The following CATSPERT variants were observed in gnomAD, a reference collection of about 807,000 sequenced individuals.
The protein encoded by CATSPERT is cation channel sperm-associated targeting subunit tau.
chr2:201,495,916 T>C, the CATSPERT span: 2 of 1,596,966 alleles, frequency 1.3e-6, no homozygotes, highest in Middle Eastern at 1.8e-4. Flanking sequence ...GTTTGAATTC[T>C]ATATATTCTG....
the CATSPERT span, among the ~76,000 whole-genome samples, chr2:201,581,930 C>T: frequency 6.6e-6 from 1 of 151,918 alleles, no homozygotes; most frequent in Non-Finnish European, 1.5e-5. Flanking sequence ...TATAAGCCAA[C>T]TCTTTTAAAA....
the CATSPERT span, chr2:201,487,824 GC>G: frequency 6.2e-7 from 1 of 1,614,030 alleles, no homozygotes; most frequent in Non-Finnish European, 8.5e-7. Context: ...TTTCCTAAAA[GC>G]CTTGATCTTG....
the CATSPERT span, among the ~76,000 whole-genome samples, chr2:201,606,819 A>C: frequency 6.6e-6 from 1 of 151,996 alleles, no homozygotes; most frequent in African/African-American, 2.4e-5. Context: ...GAATCCCTTC[A>C]ACCCGGAAGG....
chr2:201,521,275 A>G, the CATSPERT span, among the ~76,000 whole-genome samples: 1 of 152,194 alleles, frequency 6.6e-6, no homozygotes, highest in Non-Finnish European at 1.5e-5. Context: ...ACTACCTGAG[A>G]CTGGGTAATT....
chr2:201,611,631 A>G, the CATSPERT span, among the ~76,000 whole-genome samples: 1 of 152,132 alleles, frequency 6.6e-6, no homozygotes, highest in African/African-American at 2.4e-5. Context: ...TAAAATAGAG[A>G]ACAGAAAAAT....
At chr2:201,554,337 T>C in the CATSPERT span, 1 of 152,150 alleles carries the variant, frequency 6.6e-6, no homozygotes, top group African/African-American at 2.4e-5. Flanking sequence ...AACAATGGTA[T>C]CTAGTACATA....
the CATSPERT span, among the ~76,000 whole-genome samples, chr2:201,533,981 G>A: frequency 2.0e-5 from 3 of 152,040 alleles, no homozygotes; most frequent in Non-Finnish European, 4.4e-5. Context: ...ACAAGTAGAA[G>A]CCCCATGGAG....
chr2:201,495,657 C>G, the CATSPERT span, among the ~76,000 whole-genome samples: 906 of 149,960 alleles, frequency 6.0e-3, 7 homozygotes, highest in African/African-American at 0.021. Context: ...CTAGTGGATA[C>G]CAAGATGACA....
chr2:201,542,022 G>C, the CATSPERT span, among the ~76,000 whole-genome samples: 2 of 152,078 alleles, frequency 1.3e-5, no homozygotes, highest in African/African-American at 4.8e-5. Context: ...GCCTCCCAGA[G>C]TGCTGATATT....
chr2:201,612,411 T>G, the CATSPERT span, among the ~76,000 whole-genome samples: 1 of 151,812 alleles, frequency 6.6e-6, no homozygotes, highest in Non-Finnish European at 1.5e-5. Flanking sequence ...CCATCTCTAC[T>G]AAAAATACAA....
chr2:201,543,502 T>G, the CATSPERT span, among the ~76,000 whole-genome samples: 1 of 152,202 alleles, frequency 6.6e-6, no homozygotes, highest in East Asian at 1.9e-4. Context: ...TTTTTCCCTT[T>G]ATTTTCTTAT....
the CATSPERT span, among the ~76,000 whole-genome samples, chr2:201,610,188 C>T: frequency 2.0e-5 from 3 of 152,166 alleles, no homozygotes; most frequent in Non-Finnish European, 2.9e-5. Context: ...GGCACGGTGG[C>T]TCATGCCTGT....
At chr2:201,578,023 A>G in the CATSPERT span, among the ~76,000 whole-genome samples, 1 of 152,184 alleles carries the variant, frequency 6.6e-6, no homozygotes, top group South Asian at 2.1e-4. Context: ...CAGCTAAAAA[A>G]TTAATTTATG....
At chr2:201,515,226 T>G in the CATSPERT span, among the ~76,000 whole-genome samples, 1 of 67,994 alleles carries the variant, frequency 1.5e-5, no homozygotes, top group Non-Finnish European at 2.5e-5. Flanking sequence ...TTTTTTTTTT[T>G]TTTTTTTTTT....
the CATSPERT span, among the ~76,000 whole-genome samples, chr2:201,503,231 T>C: frequency 6.6e-6 from 1 of 152,210 alleles, no homozygotes; most frequent in Non-Finnish European, 1.5e-5. Context: ...TGCTTTTTTA[T>C]ATGCCCAGTA....
At chr2:201,582,632 A>C in the CATSPERT span, among the ~76,000 whole-genome samples, 2 of 152,234 alleles carry the variant, frequency 1.3e-5, no homozygotes, top group Non-Finnish European at 2.9e-5. Flanking sequence ...GGTTATCCAA[A>C]TATCCAACAC....
the CATSPERT span, among the ~76,000 whole-genome samples, chr2:201,504,426 T>A: frequency 6.6e-6 from 1 of 152,232 alleles, no homozygotes; most frequent in Non-Finnish European, 1.5e-5. Flanking sequence ...TTCTATACCA[T>A]GCCCAAATAG....
the CATSPERT span, among the ~76,000 whole-genome samples, chr2:201,608,645 C>T: frequency 6.6e-6 from 1 of 151,798 alleles, no homozygotes; most frequent in Non-Finnish European, 1.5e-5. Context: ...GGCAAAACCA[C>T]GTCTCTACAA....
chr2:201,498,514 A>C, the CATSPERT span, among the ~76,000 whole-genome samples: 1 of 152,036 alleles, frequency 6.6e-6, no homozygotes, highest in Non-Finnish European at 1.5e-5. Flanking sequence ...ACCCACATTG[A>C]GGGTGGGTTT....
Sources: gnomAD v4.1 joint callset for allele counts (sites outside exome capture counted in the v4.1 genomes callset) on GRCh38, gnomAD v4.1.1 for gene constraint, MANE v1.5 for transcripts, NCBI Gene and HGNC (gene_info 2026-07-23, HGNC 2026-07-21) for gene names.